Variants in RBFOX2 observed in about 807,000 individuals in gnomAD.
The protein encoded by RBFOX2 is RNA binding fox-1 homolog 2, also known as RNA binding protein fox-1 homolog 2.
Under a neutral mutation model 49.1 loss-of-function variants are expected in RBFOX2, and 10 were observed. The observed-to-expected ratio is 0.20, with a 90% confidence interval of 0.13 to 0.35. The LOEUF is 0.35. Among genes scored for constraint, RBFOX2 ranks in the 10% least tolerant of loss-of-function variants. The probability of loss-of-function intolerance (pLI) is 1.00; values close to 1 mark genes in which losing one functional copy is unlikely to be tolerated. For synonymous variants in RBFOX2, 183 were observed against 187.4 expected (o/e 0.98, Z 0.19); for missense variants, 323 against 486.9 (o/e 0.66, Z 3.17).
chr22:35,787,113 C>T (rs754244998), intron 2 of RBFOX2, among the ~76,000 whole-genome samples: 1 of 152,112 alleles, frequency 6.6e-6, no homozygotes, highest in African/African-American at 2.4e-5. Context: ...AATCTCAGCT[C>T]GCTGCAACCT....
intron 1 of RBFOX2, among the ~76,000 whole-genome samples, chr22:36,007,822 G>C (rs1211755751): frequency 6.6e-6 from 1 of 152,052 alleles, no homozygotes; most frequent in Non-Finnish European, 1.5e-5. Context: ...TTTAAAGAGT[G>C]TTCTATGTTC....
chr22:36,021,979 C>T (rs949928930), intron 1 of RBFOX2, among the ~76,000 whole-genome samples: 1 of 152,224 alleles, frequency 6.6e-6, no homozygotes, highest in African/African-American at 2.4e-5. Context: ...CCATCCCTCA[C>T]TCCATCTGTC....
At position 35,869,831 on chromosome 22, in the gene RBFOX2, C is replaced by G. The variant is rs578174011; in HGVS notation, c.-33-59827G>C. On this transcript the variant is annotated intron_variant, in intron 1 of 13. Coordinates refer to the RBFOX2 transcript ENST00000359369. The stretch of plus-strand genomic sequence containing the variant: ...AGTCACTGTGAGAAAATGAGAGACT[C>G]TAAACCTGTGTTTTTAACCATTTTA... Among the ~76,000 whole-genome samples, 3 of 152,330 alleles carry G rather than the reference C, an allele frequency of 2.0e-5. No individual in the cohort carries two copies. The South Asian group carries it at 6.2e-4, about 32-fold the overall frequency.
rs549233192 is a variant in RBFOX2 at position 35,872,236 on chromosome 22, G to A, written c.-33-62232C>T. On this transcript the variant is annotated intron_variant, in intron 1 of 13. Coordinates refer to the RBFOX2 transcript ENST00000359369. Reference sequence around the variant, plus strand: ...TTCCCCCTTGCTTCTTCAGTGCCCCGTTGCTCAAACCTCTAGGGGAGTATA... The same window carrying A: ...TTCCCCCTTGCTTCTTCAGTGCCCCATTGCTCAAACCTCTAGGGGAGTATA... Among the ~76,000 whole-genome samples the A allele has an allele frequency of 4.6e-5, 7 of 152,262 alleles. No individual in the cohort carries two copies. The South Asian group carries it at 1.2e-3, about 27-fold the overall frequency.
chr22:36,000,217 TCTCAAA>T (rs1381979076), intron 1 of RBFOX2: 2 of 152,096 alleles, frequency 1.3e-5, no homozygotes, highest in African/African-American at 4.8e-5. Flanking sequence ...GCCAGGCTGG[TCTCAAA>T]CTCCTGATCT....
intron 1 of RBFOX2, among the ~76,000 whole-genome samples, chr22:36,007,989 T>C (rs538225911): frequency 5.9e-5 from 9 of 152,322 alleles, no homozygotes; most frequent in South Asian, 2.1e-4. Context: ...AATGCTATAA[T>C]GTATATTCTT....
intron 4 of RBFOX2, among the ~76,000 whole-genome samples, chr22:35,771,251 G>T (rs1942588600): frequency 6.6e-6 from 1 of 152,188 alleles, no homozygotes; most frequent in East Asian, 1.9e-4. Context: ...GTTCCAACGT[G>T]GCCACTGTAC....
At chr22:35,985,713 T>C (rs2057676928) in intron 1 of RBFOX2, among the ~76,000 whole-genome samples, 1 of 152,134 alleles carries the variant, frequency 6.6e-6, no homozygotes, top group Non-Finnish European at 1.5e-5. Context: ...ATGAAATATC[T>C]TCTCAAAGAA....
intron 1 of RBFOX2, among the ~76,000 whole-genome samples, chr22:36,013,750 G>GT (rs2058924420): frequency 6.6e-6 from 1 of 151,846 alleles, no homozygotes; most frequent in African/African-American, 2.4e-5. Context: ...AAAGCAAGGA[G>GT]CAAAAAATAC....
intron 1 of RBFOX2, among the ~76,000 whole-genome samples, chr22:35,817,659 C>A (rs1191909395): frequency 2.0e-5 from 3 of 151,922 alleles, no homozygotes; most frequent in Non-Finnish European, 4.4e-5. Flanking sequence ...GAAATGTAGG[C>A]CTCACAATGG....
chr22:35,806,095 T>C (rs554971543), intron 2 of RBFOX2, among the ~76,000 whole-genome samples: 2 of 152,282 alleles, frequency 1.3e-5, no homozygotes, highest in South Asian at 4.1e-4. Context: ...CCACAGAACG[T>C]ACACCAGTAA....
intron 1 of RBFOX2, chr22:35,996,833 G>A (rs1044343975): frequency 3.9e-5 from 6 of 152,278 alleles, no homozygotes; most frequent in African/African-American, 1.2e-4. Flanking sequence ...TGTCAGAAGA[G>A]TGTTTATTTG....
At chr22:35,990,882 T>C (rs923563187) in intron 1 of RBFOX2, among the ~76,000 whole-genome samples, 1 of 152,166 alleles carries the variant, frequency 6.6e-6, no homozygotes, top group Non-Finnish European at 1.5e-5. Flanking sequence ...CCCAAGGGTA[T>C]AGGATTTTAT....
intron 9 of RBFOX2, among the ~76,000 whole-genome samples, chr22:35,751,756 T>G (rs1215707778): frequency 6.6e-6 from 1 of 152,262 alleles, no homozygotes; most frequent in Non-Finnish European, 1.5e-5. Context: ...ATTTAAATTT[T>G]ATCTTATTAT....
chr22:35,822,631 G>A (rs1661765892), intron 1 of RBFOX2, among the ~76,000 whole-genome samples: 1 of 152,180 alleles, frequency 6.6e-6, no homozygotes, highest in Admixed American at 6.5e-5. Context: ...AGAAGAGCAT[G>A]TCACTGGCAG....
exon 1 of RBFOX2, chr22:35,840,262 G>A: frequency 6.2e-7 from 1 of 1,614,030 alleles, no homozygotes; most frequent in Non-Finnish European, 8.5e-7. Context: ...CAGCCGTGCT[G>A]GGGCACACCT....
exon 12 of RBFOX2, chr22:35,740,291 G>A (rs1408353801): frequency 6.6e-6 from 1 of 152,602 alleles, no homozygotes; most frequent in Non-Finnish European, 1.5e-5. Context: ...ATAGGAAAAG[G>A]AAAGGGAGGG....
intron 1 of RBFOX2, among the ~76,000 whole-genome samples, chr22:35,901,245 T>C (rs1684265514): frequency 2.0e-5 from 3 of 152,176 alleles, no homozygotes; most frequent in African/African-American, 4.8e-5. Context: ...CACTAAATCA[T>C]ACCTATTCAC....
chr22:35,879,192 A>G (rs1458293937), intron 1 of RBFOX2, among the ~76,000 whole-genome samples: 2 of 152,226 alleles, frequency 1.3e-5, no homozygotes, highest in Non-Finnish European at 2.9e-5. Context: ...GGCAGAAGAA[A>G]CAAGTACAGT....
Sources: gnomAD v4.1 joint callset for allele counts (sites outside exome capture counted in the v4.1 genomes callset) on GRCh38, gnomAD v4.1.1 for gene constraint, MANE v1.5 for transcripts, NCBI Gene and HGNC (gene_info 2026-07-23, HGNC 2026-07-21) for gene names.